Variants in TMEM184A observed in about 807,000 individuals in gnomAD.
The protein encoded by TMEM184A is sexually dimorphic, expressed in male gonads 1.
A neutral mutation model predicts 39.5 loss-of-function variants in TMEM184A; 40 were observed. The observed-to-expected ratio is 1.01, with a 90% confidence interval of 0.79 to 1.32. The LOEUF is 1.32. Ranked by LOEUF, TMEM184A falls within the 40% of genes most tolerant of loss-of-function variation. The pLI, the probability that TMEM184A is intolerant of heterozygous loss-of-function variation, is 0.00. For synonymous variants in TMEM184A, 280 were observed against 252.3 expected (o/e 1.11, Z -1.04); for missense variants, 603 against 568.8 (o/e 1.06, Z -0.61).
At position 1,549,867 on chromosome 7, in the gene TMEM184A, C is replaced by T. The variant is rs540354860; in HGVS notation, c.631G>A (p.Asp211Asn). The change falls in exon 6 of 9, where the codon GAC becomes AAC. Residue 211 changes from aspartate (D) to asparagine (N), a missense_variant. Physicochemically the swap from Asp to Asn is conservative, Grantham distance 23 (BLOSUM62 1). Transcript: ENST00000297477. ...CTCCCGCCTTACTTGAAGTCCCCGT[C>T]GTGGTATTTGCCAAATGCCTGGAGG... Reference protein sequence around the residue: ...IILQAFGKYHDGDFNVRSGYL... With the variant: ...IILQAFGKYHNGDFNVRSGYL... The T allele has an allele frequency of 8.1e-6, 13 of 1,608,092 alleles. No individual in the cohort carries two copies. Among genetic ancestry groups the T allele is most frequent in the Non-Finnish European group, 5.9e-6 (7 of 1,176,952 alleles).
rs759041938 is a variant in TMEM184A at position 1,547,935 on chromosome 7, C to T, written c.819G>A (p.Leu273=). ...AVIFLSFWQG[L]LLAILERCGV... Reference sequence around the variant, plus strand: ...CGCACCGCTCCAGGATGGCCAGCAGCAGCCCTGCGGACGCCACGGCCGCTC... The same window carrying T: ...CGCACCGCTCCAGGATGGCCAGCAGTAGCCCTGCGGACGCCACGGCCGCTC... The change falls in exon 8 of 9, where the codon CTG becomes CTA. Residue 273 remains leucine, a synonymous_variant. Coordinates refer to ENST00000297477, the MANE Select transcript of TMEM184A (RefSeq NM_001097620.2). 18 of 1,568,722 alleles carry T rather than the reference C, an allele frequency of 1.1e-5. No individual in the cohort carries two copies. The Admixed American group carries it at 3.0e-4, about 26-fold the overall frequency.
At position 1,555,171 on chromosome 7, in the gene TMEM184A, C is replaced by T. The variant is rs1241256754; in HGVS notation, c.219+95G>A. ...TGGCCGATCCCACTTCTGACAGCGTCTATAGCAGCGGCACCCAGGGGGACC... is the reference window on the plus strand; with the variant it reads ...TGGCCGATCCCACTTCTGACAGCGTTTATAGCAGCGGCACCCAGGGGGACC... On this transcript the variant is annotated intron_variant, in intron 2 of 8. Transcript: ENST00000297477. The surrounding 1 kb of genome is among the most constrained non-coding windows in gnomAD (Gnocchi z 5.2). 9.3e-7 allele frequency: 1 copy of T among 1,073,342 alleles called. No homozygotes were observed. The highest frequency in any genetic ancestry group is 1.3e-6 in the Non-Finnish European group (1 of 759,662). 66.5% of individuals were successfully genotyped at this position (1,073,342 alleles called of 1,614,324 possible).
chr7:1,552,335 C>T (rs551423958), intron 2 of TMEM184A, among the ~76,000 whole-genome samples: 23 of 152,122 alleles, frequency 1.5e-4, no homozygotes, highest in South Asian at 4.2e-4. Flanking sequence ...GTGTGCAGCG[C>T]GATGTCTGAT....
chr7:1,551,936 CAA>C (rs879312845), intron 2 of TMEM184A, among the ~76,000 whole-genome samples: 1 of 137,826 alleles, frequency 7.3e-6, no homozygotes. Context: ...GACCCTTTCT[CAA>C]AAAAAAAAAA....
In TMEM184A at chr7:1,542,467, G is replaced by A. The variant is rs986921318; in HGVS notation, c.*4485C>T. The A allele has an allele frequency of 1.3e-5, 2 of 152,382 alleles. No homozygotes were observed. Among genetic ancestry groups the A allele is most frequent in the East Asian group, 1.9e-4 (1 of 5,174 alleles). The allele number at this position is 152,382 out of a possible 1,614,324, so 9.4% of individuals were successfully genotyped here. A position where few individuals can be genotyped will look rare whatever the true frequency, so the allele number is the denominator to read the frequency against. On this transcript the variant is annotated 3_prime_UTR_variant, in exon 9 of 9. Transcript: ENST00000297477. ...CGCAGCGGGTGGCCGGTTCTGTCCC[G>A]TCTTGGGGTTCTTGGTGTCCACGTC...
chr7:1,544,891 G>C lies in TMEM184A; in HGVS notation c.*2061C>G, dbSNP rs1015998842. The C allele has an allele frequency of 2.0e-5, 3 of 152,300 alleles. No homozygotes were observed. The highest frequency in any genetic ancestry group is 7.2e-5 in the African/African-American group (3 of 41,462). The allele number at this position is 152,300 out of a possible 1,614,324, so 9.4% of individuals were successfully genotyped here. A position where few individuals can be genotyped will look rare whatever the true frequency, so the allele number is the denominator to read the frequency against. On this transcript the variant is annotated 3_prime_UTR_variant, in exon 9 of 9. Transcript: ENST00000297477. ...CACAGTCCTCGGCTGGTCTGAGGGG[G>C]CATTTGGCGGAAACTGACTTCTCCC...
At position 1,544,952 on chromosome 7, in the gene TMEM184A, T is replaced by C. The variant is rs1046019665; in HGVS notation, c.*2000A>G. The C allele has an allele frequency of 3.9e-5, 6 of 152,246 alleles. No homozygotes were observed. Among genetic ancestry groups the C allele is most frequent in the Admixed American group, 2.6e-4 (4 of 15,294 alleles). 9.4% of individuals were successfully genotyped at this position (152,246 alleles called of 1,614,324 possible). A position where few individuals can be genotyped will look rare whatever the true frequency, so the allele number is the denominator to read the frequency against. On this transcript the variant is annotated 3_prime_UTR_variant, in exon 9 of 9. Coordinates refer to ENST00000297477, the MANE Select transcript of TMEM184A (RefSeq NM_001097620.2). ...GTGCAGGCCTGAGGTGTTGCTGACA[T>C]AGGGGCTCAGCCCCTGACACCTCAG...
chr7:1,546,566 GCTGT>G lies in TMEM184A; in HGVS notation c.*382_*385del. The G allele has an allele frequency of 5.4e-6, 1 of 184,626 alleles. No individual in the cohort carries two copies. Among genetic ancestry groups the G allele is most frequent in the Admixed American group, 6.2e-5 (1 of 16,232 alleles). 11.4% of individuals were successfully genotyped at this position (184,626 alleles called of 1,614,324 possible). A position where few individuals can be genotyped will look rare whatever the true frequency, so the allele number is the denominator to read the frequency against. ...CAGCTGCCCAGCCTGGGATCCGTCCGCTGTCTGTCTCCTGAACCAGGGAGTCTGA... is the reference window on the plus strand; with the variant it reads ...CAGCTGCCCAGCCTGGGATCCGTCCGCTGTCTCCTGAACCAGGGAGTCTGA... On this transcript the variant is annotated 3_prime_UTR_variant, in exon 9 of 9. Coordinates refer to ENST00000297477, the MANE Select transcript of TMEM184A (RefSeq NM_001097620.2).
At chr7:1,554,545 GC>G in intron 2 of TMEM184A, among the ~76,000 whole-genome samples, 1 of 152,262 alleles carries the variant, frequency 6.6e-6, no homozygotes, top group East Asian at 1.9e-4. Flanking sequence ...CACCGCCCTG[GC>G]CTCTCTGTGT....
At chr7:1,550,697 C>G in intron 3 of TMEM184A, 120 bp downstream of exon 3, 1 of 1,303,254 alleles carries the variant, frequency 7.7e-7, no homozygotes, top group African/African-American at 1.5e-5. Context: ...CCTGGCAGCC[C>G]CTCTGACGGG....
Position 1,543,760 on chromosome 7 carries a change from C to A in TMEM184A, c.*3192G>T, listed in dbSNP as rs1387249051. 6.6e-6 allele frequency: 1 copy of A among 152,272 alleles called. No homozygotes were observed. Among genetic ancestry groups the A allele is most frequent in the African/African-American group, 2.4e-5 (1 of 41,448 alleles). 9.4% of individuals were successfully genotyped at this position (152,272 alleles called of 1,614,324 possible). On this transcript the variant is annotated 3_prime_UTR_variant, in exon 9 of 9. Transcript: ENST00000297477. ...CCTCCCATCTCAGCCTCCTGAGTAGCTGGGACCGCCGGCACGCACCACCAC... is the reference window on the plus strand; with the variant it reads ...CCTCCCATCTCAGCCTCCTGAGTAGATGGGACCGCCGGCACGCACCACCAC...
In TMEM184A at chr7:1,547,083, A is replaced by G. The variant is rs760028598; in HGVS notation, c.1111T>C (p.Tyr371His). The G allele has an allele frequency of 3.7e-6, 6 of 1,610,186 alleles. No individual in the cohort carries two copies. In the South Asian group the frequency reaches 6.6e-5, roughly 18 times the overall value. The change falls in exon 9 of 9, where the codon TAC (tyrosine) becomes CAC (histidine). Residue 371 changes from tyrosine (Y) to histidine (H), a missense_variant. By Grantham distance (83) the Tyr-to-His change is moderately conservative (BLOSUM62 2). Coordinates refer to ENST00000297477, the MANE Select transcript of TMEM184A (RefSeq NM_001097620.2). The part of the protein sequence containing the change: ...QDAIHNFSPA[Y>H]QHYTQQATHE... ...GTGGCCTGCTGCGTGTAGTGCTGGT[A>G]GGCGGGGGAGAAGTTGTGGATGGCG...
intron 2 of TMEM184A, among the ~76,000 whole-genome samples, chr7:1,554,777 C>T (rs1324278448): frequency 6.6e-6 from 1 of 152,194 alleles, no homozygotes; most frequent in Non-Finnish European, 1.5e-5. Flanking sequence ...CGCCCATCTC[C>T]TGCACAGGAG....
chr7:1,542,909 C>G lies in TMEM184A; in HGVS notation c.*4043G>C, dbSNP rs1002762172. The G allele has an allele frequency of 6.5e-5, 10 of 152,802 alleles. No individual in the cohort carries two copies. The highest frequency in any genetic ancestry group is 2.4e-4 in the African/African-American group (10 of 41,588). The allele number at this position is 152,802 out of a possible 1,614,324, so 9.5% of individuals were successfully genotyped here. A position where few individuals can be genotyped will look rare whatever the true frequency, so the allele number is the denominator to read the frequency against. ...TTATCATGATATAAATTATTGAAAACAGATCACATGTGGGCCCGTGTCTGG... is the reference window on the plus strand; with the variant it reads ...TTATCATGATATAAATTATTGAAAAGAGATCACATGTGGGCCCGTGTCTGG... On this transcript the variant is annotated 3_prime_UTR_variant, in exon 9 of 9. Coordinates refer to ENST00000297477, the MANE Select transcript of TMEM184A (RefSeq NM_001097620.2).
At position 1,550,376 on chromosome 7, in the gene TMEM184A, G is replaced by A; in HGVS notation, c.405C>T (p.Phe135=). The change falls in exon 4 of 9, where the codon TTC becomes TTT. Residue 135 remains phenylalanine (F), a synonymous_variant. Transcript: ENST00000297477. ...DCYEAFVIYS[F]LSLCFQYLGG... is the part of the protein sequence containing the mutation. ...CCAGGTACTGGAAACACAGGCTCAG[G>A]AAGCTGTAAATGACAAAGGCTGCAG... 2 of 1,612,592 alleles carry A rather than the reference G, an allele frequency of 1.2e-6. No individual in the cohort carries two copies. The highest frequency in any genetic ancestry group is 2.2e-5 in the South Asian group (2 of 90,992).
chr7:1,543,570 T>C lies in TMEM184A; in HGVS notation c.*3382A>G, dbSNP rs546894229. ...CCACCCCGCCCGGCCTTCCCCGTTTTTGGGGCTGAGCTGACCGAGGTGTGA... is the reference window on the plus strand; with the variant it reads ...CCACCCCGCCCGGCCTTCCCCGTTTCTGGGGCTGAGCTGACCGAGGTGTGA... On this transcript the variant is annotated 3_prime_UTR_variant, in exon 9 of 9. Coordinates refer to ENST00000297477, the MANE Select transcript of TMEM184A (RefSeq NM_001097620.2). 3.3e-3 allele frequency: 501 copies of C among 152,418 alleles called. 3 individuals are homozygous for C. The highest frequency in any genetic ancestry group is 6.8e-3 in the Middle Eastern group (2 of 296). 9.4% of individuals were successfully genotyped at this position (152,418 alleles called of 1,614,324 possible).
chr7:1,546,603 A>G lies in TMEM184A; in HGVS notation c.*349T>C, dbSNP rs1124669. On this transcript the variant is annotated 3_prime_UTR_variant, in exon 9 of 9. Coordinates refer to ENST00000297477, the MANE Select transcript of TMEM184A (RefSeq NM_001097620.2). ...CTGAACCAGGGAGTCTGACCCACTC[A>G]CAGCTCCCATGGGGTCCGTGCAGCC... 132,357 of 227,842 alleles carry G rather than the reference A, an allele frequency of 0.58. 38,906 individuals are homozygous for G. The highest frequency in any genetic ancestry group is 0.67 in the East Asian group (7,922 of 11,772). 14.1% of individuals were successfully genotyped at this position (227,842 alleles called of 1,614,324 possible). A position where few individuals can be genotyped will look rare whatever the true frequency, so the allele number is the denominator to read the frequency against.
At chr7:1,547,228 G>GCCCCC in intron 8 of TMEM184A, 47 bp from the exon 9 acceptor site, 1 of 1,173,134 alleles carries the variant, frequency 8.5e-7, no homozygotes, top group South Asian at 1.4e-5. Context: ...CTGCACTCCA[G>GCCCCC]CTCCCCGGAC....
intron 6 of TMEM184A, 127 bp from the exon 7 acceptor site, chr7:1,548,815 G>T (rs1291407862): frequency 6.2e-6 from 7 of 1,131,760 alleles, no homozygotes; most frequent in African/African-American, 1.5e-5. Flanking sequence ...GCCCTGCAGG[G>T]ATCCTGCCCC....
Sources: allele counts gnomAD v4.1 joint callset (sites outside exome capture counted in the v4.1 genomes callset), GRCh38; gene constraint gnomAD v4.1.1; non-coding constraint Gnocchi (gnomAD v3.1); transcripts MANE v1.5; gene names NCBI Gene and HGNC (gene_info 2026-07-23, HGNC 2026-07-21).